Variants in RNF138 observed in about 807,000 individuals in gnomAD.
RNF138 encodes the protein E3 ubiquitin-protein ligase RNF138.
In RNF138, 12 loss-of-function variants were observed where a neutral mutation model predicts 31.0. The observed-to-expected ratio is 0.39, with a 90% CI of 0.25 to 0.63. The LOEUF is 0.63. Ranked by LOEUF, RNF138 falls within the 20% of genes least tolerant of loss-of-function variation. The probability of loss-of-function intolerance (pLI) is 0.52; values close to 1 mark genes in which losing one functional copy is unlikely to be tolerated. For synonymous variants in RNF138, 105 were observed against 99.5 expected, an observed-to-expected ratio of 1.06 and a Z score of -0.33; for missense variants, 192 against 300.1, an observed-to-expected ratio of 0.64 and a Z score of 2.66.
rs111410574 is a variant in RNF138, at chr18:32,123,569, T to C, written c.444T>C (p.Asn148=). 13 of 1,586,524 alleles carry C rather than the reference T, an allele frequency of 8.2e-6. No individual in the cohort carries two copies. In the African/African-American group the frequency reaches 1.5e-4, roughly 18 times the overall value. Residue 148 remains asparagine, a synonymous_variant, in exon 5 of 8, where the codon AAT becomes AAC. Coordinates refer to ENST00000261593, the MANE Select transcript of RNF138 (RefSeq NM_016271.5). The part of the protein sequence containing the change: ...TSDNTETYQE[N]TSSSGHPTFK... Reference sequence around the variant, plus strand: ...ATAACACAGAAACTTACCAAGAGAATACAAGGTAAGCTTTTGAAAAATCCT... The same window carrying C: ...ATAACACAGAAACTTACCAAGAGAACACAAGGTAAGCTTTTGAAAAATCCT...
At chr18:32,101,916 G>C (rs1236277078) in intron 2 of RNF138, among the ~76,000 whole-genome samples, 1 of 152,034 alleles carries the variant, frequency 6.6e-6, no homozygotes, top group Non-Finnish European at 1.5e-5. Flanking sequence ...TAACTCTGTT[G>C]CCCAGGCTGG....
intron 2 of RNF138, among the ~76,000 whole-genome samples, chr18:32,095,851 C>T (rs887925267): frequency 6.6e-6 from 1 of 152,172 alleles, no homozygotes; most frequent in East Asian, 1.9e-4. Flanking sequence ...TAATAGTCCG[C>T]TGGAGAGACC....
chr18:32,120,911 T>C (rs2040293683), intron 4 of RNF138, among the ~76,000 whole-genome samples: 1 of 151,206 alleles, frequency 6.6e-6, no homozygotes, highest in South Asian at 2.1e-4. Flanking sequence ...TGGGAGGCCA[T>C]GGTGGGTGGG....
chr18:32,117,778 G>T (rs1263120529), intron 4 of RNF138, among the ~76,000 whole-genome samples: 1 of 152,172 alleles, frequency 6.6e-6, no homozygotes, highest in Non-Finnish European at 1.5e-5. Context: ...TTGCATTGGT[G>T]TGGGGTAGTT....
intron 2 of RNF138, among the ~76,000 whole-genome samples, chr18:32,095,044 T>C (rs143925147): frequency 0.014 from 2,187 of 152,284 alleles, 57 homozygotes; most frequent in African/African-American, 0.05. Flanking sequence ...CAGTTCTGCC[T>C]GAACAATGAA....
chr18:32,127,833 C>T (rs558879206), intron 7 of RNF138, among the ~76,000 whole-genome samples: 26 of 152,294 alleles, frequency 1.7e-4, no homozygotes, highest in African/African-American at 6.3e-4. Context: ...GTAATCCCAG[C>T]ACTTTGGGAG....
chr18:32,101,136 C>T (rs902579013), intron 2 of RNF138, among the ~76,000 whole-genome samples: 118 of 151,932 alleles, frequency 7.8e-4, no homozygotes, highest in African/African-American at 2.8e-3. Context: ...GACAAAGGTC[C>T]CGAGGTAGGA....
At chr18:32,094,760 G>A (rs1436213626) in intron 2 of RNF138, among the ~76,000 whole-genome samples, 1 of 152,040 alleles carries the variant, frequency 6.6e-6, no homozygotes, top group East Asian at 1.9e-4. Flanking sequence ...AAGGTGAGAG[G>A]AAGTTGTAAT....
chr18:32,122,019 T>TC (rs2040314295), intron 4 of RNF138, among the ~76,000 whole-genome samples: 1 of 152,006 alleles, frequency 6.6e-6, no homozygotes, highest in East Asian at 1.9e-4. Flanking sequence ...CAGGCGCCCG[T>TC]CACCACACCC....
intron 2 of RNF138, among the ~76,000 whole-genome samples, chr18:32,098,435 C>T (rs936600769): frequency 9.2e-5 from 14 of 152,190 alleles, no homozygotes; most frequent in African/African-American, 3.1e-4. Flanking sequence ...AGGTGAGTGC[C>T]ACAGCACCTG....
intron 4 of RNF138, among the ~76,000 whole-genome samples, chr18:32,120,330 T>G (rs1462367122): frequency 1.3e-5 from 2 of 152,150 alleles, no homozygotes; most frequent in African/African-American, 4.8e-5. Flanking sequence ...TTCCAGATAT[T>G]CTGATATCTG....
At chr18:32,125,562 G>A (rs1381671591) in intron 6 of RNF138, among the ~76,000 whole-genome samples, 3 of 152,202 alleles carry the variant, frequency 2.0e-5, no homozygotes, top group Non-Finnish European at 2.9e-5. Context: ...AGGAGAATAG[G>A]AAGGAAAATG....
intron 7 of RNF138, 43 bp downstream of exon 7, chr18:32,126,843 T>A: frequency 8.2e-7 from 1 of 1,213,614 alleles, no homozygotes; most frequent in Non-Finnish European, 1.2e-6. Context: ...GTTTAAATAT[T>A]AAAGTTAAAA....
chr18:32,101,569 AT>A (rs202002141), intron 2 of RNF138, among the ~76,000 whole-genome samples: 2 of 151,318 alleles, frequency 1.3e-5, no homozygotes, highest in East Asian at 1.9e-4. Context: ...AGAAAAATTT[AT>A]TTTTTTTTAA....
chr18:32,105,853 A>G (rs568386725), intron 2 of RNF138, among the ~76,000 whole-genome samples: 4 of 152,342 alleles, frequency 2.6e-5, no homozygotes, highest in South Asian at 2.1e-4. Flanking sequence ...ATAGCTTTCT[A>G]TGTGACTTTT....
intron 2 of RNF138, among the ~76,000 whole-genome samples, chr18:32,097,377 CTT>C (rs2039828060): frequency 6.6e-6 from 1 of 152,168 alleles, no homozygotes; most frequent in South Asian, 2.1e-4. Context: ...ACTTCTACTT[CTT>C]GTTAAGCACA....
intron 2 of RNF138, among the ~76,000 whole-genome samples, chr18:32,106,289 A>T (rs930563545): frequency 1.3e-5 from 2 of 152,180 alleles, no homozygotes; most frequent in African/African-American, 4.8e-5. Context: ...GCGGGTATGC[A>T]GAATGCCAAG....
intron 2 of RNF138, among the ~76,000 whole-genome samples, chr18:32,111,446 C>G (rs1223913843): frequency 6.6e-6 from 1 of 152,140 alleles, no homozygotes; most frequent in Non-Finnish European, 1.5e-5. Flanking sequence ...CCGGTTTTTC[C>G]TTTGTACCAT....
chr18:32,096,872 A>C (rs543075293), intron 2 of RNF138, among the ~76,000 whole-genome samples: 1 of 152,206 alleles, frequency 6.6e-6, no homozygotes, highest in Non-Finnish European at 1.5e-5. Context: ...CTGGGACTAC[A>C]GGCACTCACC....
Sources: allele counts gnomAD v4.1 joint callset (sites outside exome capture counted in the v4.1 genomes callset), GRCh38; gene constraint gnomAD v4.1.1; transcripts MANE v1.5; gene names NCBI Gene and HGNC (gene_info 2026-07-23, HGNC 2026-07-21).